SUPT3H: variants seen among roughly 807,000 people sequenced by gnomAD.
The protein encoded by SUPT3H is transcription initiation protein SPT3 homolog.
SUPT3H carries 44 observed loss-of-function variants against 44.3 expected under a neutral mutation model. That is an observed-to-expected ratio of 0.99 (90% CI 0.78 to 1.28). SUPT3H has a LOEUF of 1.28. Ranked by LOEUF, SUPT3H falls within the 50% of genes most tolerant of loss-of-function variation. The probability of loss-of-function intolerance (pLI) is 0.00; values close to 1 mark genes in which losing one functional copy is unlikely to be tolerated. For missense variants in SUPT3H, 380 were observed against 387.1 expected, an observed-to-expected ratio of 0.98 and a Z score of 0.15; for synonymous variants, 124 against 125.6, an observed-to-expected ratio of 0.99 and a Z score of 0.09.
chr6:45,258,075 T>G (rs1773711794), intron 2 of SUPT3H, among the ~76,000 whole-genome samples: 1 of 152,216 alleles, frequency 6.6e-6, no homozygotes, highest in South Asian at 2.1e-4. Flanking sequence ...CTTGAATAAT[T>G]GTTAGCCAAA....
At chr6:44,814,116 C>A (rs891835434) in intron 11 of SUPT3H, among the ~76,000 whole-genome samples, 13 of 152,050 alleles carry the variant, frequency 8.5e-5, no homozygotes, top group Non-Finnish European at 1.8e-4. Flanking sequence ...TTCACAGGGG[C>A]AACAACAGGC....
intron 2 of SUPT3H, among the ~76,000 whole-genome samples, chr6:45,285,565 T>C (rs1381892496): frequency 6.6e-6 from 1 of 152,032 alleles, no homozygotes; most frequent in Non-Finnish European, 1.5e-5. Context: ...CAAGGAGAAC[T>C]ACAAACCACT....
chr6:45,344,078 G>A (rs1241972406), intron 2 of SUPT3H, among the ~76,000 whole-genome samples: 6 of 152,054 alleles, frequency 3.9e-5, no homozygotes, highest in Admixed American at 3.9e-4. Context: ...ATGAAAAATT[G>A]TCAAACTAAA....
chr6:45,081,355 T>A (rs961955354), intron 3 of SUPT3H, among the ~76,000 whole-genome samples: 2 of 152,090 alleles, frequency 1.3e-5, no homozygotes, highest in Non-Finnish European at 2.9e-5. Context: ...TCACATTATT[T>A]AATTCTTTGC....
At chr6:45,068,977 CAAAAAAAAAAAAATAA>C (rs1793920619) in intron 3 of SUPT3H, among the ~76,000 whole-genome samples, 1 of 111,132 alleles carries the variant, frequency 9.0e-6, no homozygotes, top group Non-Finnish European at 1.9e-5. Flanking sequence ...TTTTACTTTG[CAAAAAAAAAAAAATAA>C]AAAAAATAAA....
intron 9 of SUPT3H, among the ~76,000 whole-genome samples, chr6:44,948,726 A>G (rs78895840): frequency 0.11 from 17,335 of 152,072 alleles, 1,392 homozygotes; most frequent in East Asian, 0.27. Context: ...GCAATCATTA[A>G]AAAGTCAGGA....
At chr6:44,837,844 A>G (rs1473215223) in intron 10 of SUPT3H, among the ~76,000 whole-genome samples, 1 of 152,206 alleles carries the variant, frequency 6.6e-6, no homozygotes, top group Non-Finnish European at 1.5e-5. Flanking sequence ...TTTTTTTACA[A>G]TCTTGGTTTT....
chr6:44,953,539 T>C, intron 8 of SUPT3H, 122 bp from the exon 9 acceptor site: 1 of 732,910 alleles, frequency 1.4e-6, no homozygotes, highest in East Asian at 2.7e-5. Context: ...TAAAAATCTA[T>C]ATTGTAGACA....
chr6:45,263,756 A>C (rs1774786389), intron 2 of SUPT3H, among the ~76,000 whole-genome samples: 1 of 152,134 alleles, frequency 6.6e-6, no homozygotes, highest in Non-Finnish European at 1.5e-5. Flanking sequence ...CAAATCCAAC[A>C]AAAGAAACAA....
intron 3 of SUPT3H, among the ~76,000 whole-genome samples, chr6:45,060,538 G>C (rs1791827220): frequency 6.6e-6 from 1 of 151,616 alleles, no homozygotes; most frequent in Non-Finnish European, 1.5e-5. Flanking sequence ...CATGGGCAAA[G>C]ATTTCATGAC....
chr6:45,177,390 G>C (rs977118044), intron 2 of SUPT3H, among the ~76,000 whole-genome samples: 1 of 152,108 alleles, frequency 6.6e-6, no homozygotes, highest in African/African-American at 2.4e-5. Context: ...AAAGAAACGA[G>C]TAAAGCCTCC....
chr6:44,880,418 T>A (rs1353931180), intron 10 of SUPT3H, among the ~76,000 whole-genome samples: 1 of 152,050 alleles, frequency 6.6e-6, no homozygotes, highest in Non-Finnish European at 1.5e-5. Context: ...CCAAGAAATA[T>A]GGGACTATGT....
intron 2 of SUPT3H, among the ~76,000 whole-genome samples, chr6:45,357,724 C>T (rs1793497052): frequency 1.3e-5 from 2 of 152,128 alleles, no homozygotes; most frequent in South Asian, 4.1e-4. Context: ...CAGAATACTA[C>T]ATAACATTGC....
intron 10 of SUPT3H, among the ~76,000 whole-genome samples, chr6:44,862,757 G>A (rs1774873894): frequency 6.6e-6 from 1 of 151,380 alleles, no homozygotes; most frequent in Non-Finnish European, 1.5e-5. Flanking sequence ...GGCTATAATT[G>A]TCTCATGGGC....
At chr6:45,058,077 G>A (rs9349309) in intron 3 of SUPT3H, among the ~76,000 whole-genome samples, 2 of 151,890 alleles carry the variant, frequency 1.3e-5, no homozygotes, top group African/African-American at 4.8e-5. Context: ...AAATTATGGG[G>A]TGCTTATTTT....
At chr6:45,322,488 T>C (rs1323695328) in intron 2 of SUPT3H, among the ~76,000 whole-genome samples, 1 of 151,854 alleles carries the variant, frequency 6.6e-6, no homozygotes. Flanking sequence ...TGCTATGCTT[T>C]CTGAGAAATT....
chr6:44,924,958 T>C (rs1769295286), intron 10 of SUPT3H, among the ~76,000 whole-genome samples: 1 of 152,180 alleles, frequency 6.6e-6, no homozygotes, highest in Admixed American at 6.5e-5. Context: ...ACACATAAGA[T>C]GCAGACAAAC....
At chr6:45,187,476 C>G (rs1049577206) in intron 2 of SUPT3H, among the ~76,000 whole-genome samples, 2 of 151,480 alleles carry the variant, frequency 1.3e-5, no homozygotes, top group South Asian at 2.1e-4. Flanking sequence ...CTTTCCCTTA[C>G]GAGGGCTGTG....
chr6:44,957,004 T>C lies in SUPT3H; in HGVS notation c.581-2397A>G, dbSNP rs1376678575. ...AACCTTTAGTTAAATATCTCTACACTGCCACAGTGCTAAGCAGTCTAATTT... is the reference window on the plus strand; with the variant it reads ...AACCTTTAGTTAAATATCTCTACACCGCCACAGTGCTAAGCAGTCTAATTT... On this transcript the variant is annotated intron_variant, in intron 7 of 10. Coordinates refer to ENST00000371459, the MANE Select transcript of SUPT3H (RefSeq NM_003599.4). 2.6e-5 allele frequency among the ~76,000 whole-genome samples: 4 copies of C among 152,206 alleles called. No individual in the cohort carries two copies. In the East Asian group the frequency reaches 7.7e-4, roughly 29 times the overall value.
Sources: gnomAD v4.1 joint callset for allele counts (sites outside exome capture counted in the v4.1 genomes callset) on GRCh38, gnomAD v4.1.1 for gene constraint, MANE v1.5 for transcripts, NCBI Gene and HGNC (gene_info 2026-07-23, HGNC 2026-07-21) for gene names.